LHFPL4: variants seen among roughly 807,000 people sequenced by gnomAD.
The protein encoded by LHFPL4 is LHFPL tetraspan subfamily member 4.
Under a neutral mutation model 20.0 loss-of-function variants are expected in LHFPL4, and 6 were observed. The ratio of observed to expected loss-of-function variants is 0.30; its 90% CI spans 0.16 to 0.59. The LOEUF is 0.59. Among genes scored for constraint, LHFPL4 ranks in the 20% least tolerant of loss-of-function variants. LHFPL4 has a pLI of 0.88. For synonymous variants in LHFPL4, 129 were observed against 143.8 expected, an observed-to-expected ratio of 0.90 and a Z score of 0.74; for missense variants, 215 against 331.2, an observed-to-expected ratio of 0.65 and a Z score of 2.72.
chr3:9,505,020 G>T (rs1369339642), intron 3 of LHFPL4, among the ~76,000 whole-genome samples: 3 of 151,768 alleles, frequency 2.0e-5, no homozygotes, highest in African/African-American at 7.3e-5. Context: ...CATTTTCACA[G>T]CTGTGAGCTG....
At chr3:9,502,946 A>G (rs1238553236) in intron 3 of LHFPL4, among the ~76,000 whole-genome samples, 1 of 152,166 alleles carries the variant, frequency 6.6e-6, no homozygotes, top group Non-Finnish European at 1.5e-5. Context: ...TGGAAATGGA[A>G]GCAATTTATT....
chr3:9,500,316 G>A lies in LHFPL4; in HGVS notation c.*1895C>T, dbSNP rs1203571867. ...CTCCCGCATTTAACTCGGACCCTCTGTCCCGCAGCGCCCCTACCCCAGGCC... is the reference window on the plus strand; with the variant it reads ...CTCCCGCATTTAACTCGGACCCTCTATCCCGCAGCGCCCCTACCCCAGGCC... On this transcript the variant is annotated 3_prime_UTR_variant, in exon 4 of 4. Coordinates refer to ENST00000287585, the MANE Select transcript of LHFPL4 (RefSeq NM_198560.3). The A allele has an allele frequency of 6.6e-6, 1 of 152,348 alleles. No homozygotes were observed. The highest frequency in any genetic ancestry group is 6.5e-5 in the Admixed American group (1 of 15,290). The allele number at this position is 152,348 out of a possible 1,614,324, so 9.4% of individuals were successfully genotyped here. A position where few individuals can be genotyped will look rare whatever the true frequency, so the allele number is the denominator to read the frequency against.
chr3:9,541,202 A>T (rs894530344), intron 2 of LHFPL4, among the ~76,000 whole-genome samples: 1 of 151,880 alleles, frequency 6.6e-6, no homozygotes, highest in Non-Finnish European at 1.5e-5. Context: ...TTGGCCTCCC[A>T]AAGTGCTGGG....
Position 9,504,686 on chromosome 3 carries a change from G to A in LHFPL4, c.643+1281C>T, listed in dbSNP as rs140488271. Among the ~76,000 whole-genome samples, 657 of 151,926 alleles carry A rather than the reference G, an allele frequency of 4.3e-3. 3 individuals carry two copies. Among genetic ancestry groups the A allele is most frequent in the Middle Eastern group, 0.017 (5 of 294 alleles). On this transcript the variant is annotated intron_variant, in intron 3 of 3. Coordinates refer to ENST00000287585, the MANE Select transcript of LHFPL4 (RefSeq NM_198560.3). ...TAAAAATACAAAAACTTAGCCGGGC[G>A]TGGTGGCGGGTGCCTGTAGTCCTAG...
chr3:9,542,503 C>T (rs2046483262), intron 2 of LHFPL4, among the ~76,000 whole-genome samples: 1 of 152,074 alleles, frequency 6.6e-6, no homozygotes, highest in Non-Finnish European at 1.5e-5. Context: ...TGAAAAAAGT[C>T]AGTCACAAAA....
At chr3:9,509,241 A>AC (rs34646923) in intron 2 of LHFPL4, among the ~76,000 whole-genome samples, 75,666 of 127,384 alleles carry the variant, frequency 0.59, 21,795 homozygotes, top group East Asian at 0.8. Context: ...CTTTCTTCGC[A>AC]CCCCCCTCTC....
At chr3:9,510,159 A>C (rs2046247858) in intron 2 of LHFPL4, among the ~76,000 whole-genome samples, 1 of 152,166 alleles carries the variant, frequency 6.6e-6, no homozygotes, top group Non-Finnish European at 1.5e-5. Context: ...ATACTGATTA[A>C]AAAATGTCAG....
chr3:9,536,037 G>A (rs1383707698), intron 2 of LHFPL4, among the ~76,000 whole-genome samples: 8 of 152,088 alleles, frequency 5.3e-5, no homozygotes, highest in Non-Finnish European at 1.0e-4. Flanking sequence ...CTGACTTCAG[G>A]TGATCTGCCC....
chr3:9,528,815 G>A (rs1446817132), intron 2 of LHFPL4, among the ~76,000 whole-genome samples: 5 of 151,222 alleles, frequency 3.3e-5, no homozygotes, highest in Admixed American at 2.0e-4. Context: ...GGGTTTCACC[G>A]TGTTAGCCAG....
chr3:9,552,783 C>T lies in LHFPL4; in HGVS notation c.-104G>A. 2 of 643,852 alleles carry T rather than the reference C, an allele frequency of 3.1e-6. No individual in the cohort carries two copies. The highest frequency in any genetic ancestry group is 4.0e-6 in the Non-Finnish European group (2 of 503,510). The allele number at this position is 643,852 out of a possible 1,614,324, so 39.9% of individuals were successfully genotyped here. A position where few individuals can be genotyped will look rare whatever the true frequency, so the allele number is the denominator to read the frequency against. On this transcript the variant is annotated 5_prime_UTR_variant, in exon 2 of 4. Transcript: ENST00000287585. The stretch of plus-strand genomic sequence containing the variant: ...GGGAGCTGGGGACGCACGCGAGAAG[C>T]GGCCCTGAGTCAAGGAACCCGCGAG...
chr3:9,542,569 G>A (rs2046483933), intron 2 of LHFPL4, among the ~76,000 whole-genome samples: 1 of 152,082 alleles, frequency 6.6e-6, no homozygotes, highest in African/African-American at 2.4e-5. Flanking sequence ...CACTTTGGGA[G>A]ATCGAGGTGG....
intron 2 of LHFPL4, among the ~76,000 whole-genome samples, chr3:9,527,454 G>A (rs148317256): frequency 9.7e-4 from 148 of 152,170 alleles, no homozygotes; most frequent in African/African-American, 3.5e-3. Flanking sequence ...CGTGGTGCAT[G>A]CCTGTAGTCT....
intron 2 of LHFPL4, among the ~76,000 whole-genome samples, chr3:9,509,278 C>T (rs2046241892): frequency 7.3e-6 from 1 of 137,762 alleles, no homozygotes; most frequent in African/African-American, 2.8e-5. Context: ...CTACCTAGTG[C>T]TCAAGTCTCA....
chr3:9,538,618 A>C (rs1291175701), intron 2 of LHFPL4, among the ~76,000 whole-genome samples: 1 of 152,146 alleles, frequency 6.6e-6, no homozygotes, highest in Non-Finnish European at 1.5e-5. Flanking sequence ...TAGGTGAGTA[A>C]ACCGAGACTC....
intron 2 of LHFPL4, among the ~76,000 whole-genome samples, chr3:9,533,672 C>T (rs1213089197): frequency 6.6e-6 from 1 of 152,112 alleles, no homozygotes; most frequent in Non-Finnish European, 1.5e-5. Flanking sequence ...GTCCCAGCTG[C>T]TCAGGAGGCT....
rs188210702 is a variant in LHFPL4 at position 9,510,214 on chromosome 3, G to A, written c.407-4011C>T. On this transcript the variant is annotated intron_variant, in intron 2 of 3. Transcript: ENST00000287585. ...GCCTGTAGTCCCAGTACTTTGGGAG[G>A]CCGAGGTGGGAGGATCACTTGAGGC... 8.3e-4 allele frequency among the ~76,000 whole-genome samples: 126 copies of A among 152,214 alleles called. 2 individuals carry two copies. In the South Asian group the frequency reaches 9.1e-3, roughly 11 times the overall value.
intron 2 of LHFPL4, among the ~76,000 whole-genome samples, chr3:9,509,149 T>C (rs1007478541): frequency 1.3e-5 from 2 of 152,204 alleles, no homozygotes; most frequent in Admixed American, 6.5e-5. Flanking sequence ...TTCCTTTTGC[T>C]TTCCGCCTGC....
At chr3:9,519,038 A>G (rs1287550440) in intron 2 of LHFPL4, among the ~76,000 whole-genome samples, 1 of 152,034 alleles carries the variant, frequency 6.6e-6, no homozygotes, top group African/African-American at 2.4e-5. Context: ...CCTGGGTTCA[A>G]GCAATTCTCG....
chr3:9,515,258 A>G, intron 2 of LHFPL4, among the ~76,000 whole-genome samples: 1 of 152,224 alleles, frequency 6.6e-6, no homozygotes, highest in East Asian at 1.9e-4. Context: ...TATGATGTGG[A>G]ACGTCTTCTC....
Sources: gnomAD v4.1 joint callset for allele counts (sites outside exome capture counted in the v4.1 genomes callset) on GRCh38, gnomAD v4.1.1 for gene constraint, MANE v1.5 for transcripts, NCBI Gene and HGNC (gene_info 2026-07-23, HGNC 2026-07-21) for gene names.